GPCPD1: variants seen among roughly 807,000 people sequenced by gnomAD.
The protein encoded by GPCPD1 is glycerophosphocholine phosphodiesterase 1.
A neutral mutation model predicts 89.2 loss-of-function variants in GPCPD1; 29 were observed. That is an observed-to-expected ratio of 0.33 (90% confidence interval 0.24 to 0.44). The LOEUF is 0.44. Ranked by LOEUF, GPCPD1 falls within the 20% of genes least tolerant of loss-of-function variation. The pLI is 1.00. For missense variants in GPCPD1, 594 were observed against 808.9 expected (o/e 0.73, Z 3.22); for synonymous variants, 258 against 266.3 (o/e 0.97, Z 0.30).
At chr20:5,598,032 A>C (rs919148976) in intron 3 of GPCPD1, among the ~76,000 whole-genome samples, 4 of 152,182 alleles carry the variant, frequency 2.6e-5, no homozygotes, top group Non-Finnish European at 4.4e-5. Context: ...AGAAAAAATT[A>C]AAAAGAAGAA....
At chr20:5,556,735 T>C (rs918998679) in intron 19 of GPCPD1, among the ~76,000 whole-genome samples, 1 of 152,222 alleles carries the variant, frequency 6.6e-6, no homozygotes, top group African/African-American at 2.4e-5. Flanking sequence ...AAAAAATATT[T>C]GTTCAATAAA....
rs552329473 is a variant in GPCPD1, at chr20:5,588,556, G to A, written c.232-2287C>T. Reference sequence around the variant, plus strand: ...AAAATAGAAACAGCCTGGGCACAGTGGCTCATGCCTGTAATCCCAGCACTT... The same window carrying A: ...AAAATAGAAACAGCCTGGGCACAGTAGCTCATGCCTGTAATCCCAGCACTT... On this transcript the variant is annotated intron_variant, in intron 4 of 19. Transcript: ENST00000379019. Among the ~76,000 whole-genome samples, 42 of 151,622 alleles carry A rather than the reference G, an allele frequency of 2.8e-4. No individual in the cohort carries two copies. In the South Asian group the frequency reaches 6.4e-3, roughly 23 times the overall value.
At chr20:5,576,312 C>G (rs1204483641) in intron 8 of GPCPD1, among the ~76,000 whole-genome samples, 2 of 150,446 alleles carry the variant, frequency 1.3e-5, no homozygotes, top group Admixed American at 6.7e-5. Flanking sequence ...CCCAGCTACT[C>G]GGGAGGCTAA....
chr20:5,567,590 AAAG>A lies in GPCPD1; in HGVS notation c.1150-33_1150-31del, dbSNP rs1207932518. ...AAAAAAAAAAAAAAGAAAGAAAGAA[AAAG>A]AAAGAATAAAGAAAATTAAGAGAAA... is the stretch of plus-strand genomic sequence containing the variant. On this transcript the variant is annotated intron_variant, in intron 12 of 19. Transcript: ENST00000379019. 7.9e-6 allele frequency: 12 copies of A among 1,526,844 alleles called. No homozygotes were observed. In the African/African-American group the frequency reaches 1.6e-4, roughly 20 times the overall value. 94.6% of individuals were successfully genotyped at this position (1,526,844 alleles called of 1,614,324 possible). A position where few individuals can be genotyped will look rare whatever the true frequency, so the allele number is the denominator to read the frequency against.
chr20:5,576,608 A>C (rs1978289663), intron 8 of GPCPD1, among the ~76,000 whole-genome samples: 1 of 152,040 alleles, frequency 6.6e-6, no homozygotes, highest in African/African-American at 2.4e-5. Flanking sequence ...TTTTTGAGAG[A>C]GTCTCATTCA....
chr20:5,572,535 A>C (rs1986780631), intron 11 of GPCPD1, among the ~76,000 whole-genome samples: 1 of 152,230 alleles, frequency 6.6e-6, no homozygotes, highest in Admixed American at 6.5e-5. Context: ...AGTTCATATA[A>C]GTAATAAAGC....
In GPCPD1 at chr20:5,593,400, T is replaced by A. The variant is rs1979474216; in HGVS notation, c.158A>T (p.Lys53Ile). Reference protein sequence around the residue: ...ENDTGESMLWKATIVLSRGVS... With the variant: ...ENDTGESMLWIATIVLSRGVS... Reference sequence around the variant, plus strand: ...TCCTCTACTGAGTACAATGGTTGCTTTCCATAGCATGCTGTGAAGAAAGAA... The same window carrying A: ...TCCTCTACTGAGTACAATGGTTGCTATCCATAGCATGCTGTGAAGAAAGAA... Residue 53 changes from lysine (K) to isoleucine (I), a missense_variant, in exon 4 of 20, where the codon AAA (lysine) becomes ATA (isoleucine). By Grantham distance (102) the Lys-to-Ile change is moderately radical. Coordinates refer to ENST00000379019, the MANE Select transcript of GPCPD1 (RefSeq NM_019593.5). 2 of 1,573,416 alleles carry A rather than the reference T, an allele frequency of 1.3e-6. No homozygotes were observed. Among genetic ancestry groups the A allele is most frequent in the African/African-American group, 2.7e-5 (2 of 74,100 alleles).
In GPCPD1 at chr20:5,573,915, A is replaced by G. The variant is rs752863639; in HGVS notation, c.1056T>C (p.His352=). 9.4e-6 allele frequency: 14 copies of G among 1,483,840 alleles called. No individual in the cohort carries two copies. The highest frequency in any genetic ancestry group is 1.2e-5 in the Non-Finnish European group (13 of 1,061,184). 91.9% of individuals were successfully genotyped at this position (1,483,840 alleles called of 1,614,324 possible). The change falls in exon 11 of 20, where the codon CAT becomes CAC. Residue 352 remains histidine, a splice_region_variant and synonymous_variant. Transcript: ENST00000379019. ...CTAAAGTTGTTTAAAGGTTACTTAC[A>G]TGACTAGCAGCATTTCTTAAAGAAG... ...TIASLRNAAS[H]GAAFVEFDVH...
intron 19 of GPCPD1, among the ~76,000 whole-genome samples, chr20:5,550,283 CAAAAA>C (rs11476159): frequency 1.3e-5 from 1 of 76,052 alleles, no homozygotes; most frequent in Non-Finnish European, 2.4e-5. Context: ...TCAAATGAAG[CAAAAA>C]AAAAAAAAAA....
intron 19 of GPCPD1, chr20:5,549,219 C>G: frequency 2.8e-6 from 2 of 715,746 alleles, no homozygotes; most frequent in South Asian, 2.8e-5. Flanking sequence ...TCACTTTTGG[C>G]TAGAGACTCT....
At chr20:5,575,731 T>A (rs1285681037) in intron 9 of GPCPD1, 85 bp downstream of exon 9, 1 of 971,172 alleles carries the variant, frequency 1.0e-6, no homozygotes, top group Admixed American at 2.2e-5. Flanking sequence ...ATTAATTTCA[T>A]CTTTATCATT....
Position 5,565,031 on chromosome 20 carries a change from GA to G in GPCPD1, c.1314del (p.Pro439LeufsTer7). On this transcript the variant is annotated frameshift_variant, in exon 15 of 20. Coordinates refer to ENST00000379019, the MANE Select transcript of GPCPD1 (RefSeq NM_019593.5). LOFTEE classifies it high-confidence loss of function. The part of the protein sequence containing the change: ...EENSFSENQP[F>X]PSLKMVLESL... ...CAATAACTTACCATCTTAAGAGAAG[GA>G]AATGGCTGATTTTCTGAAAAGGAAT... The G allele has an allele frequency of 6.6e-7, 1 of 1,519,328 alleles. No homozygotes were observed. The highest frequency in any genetic ancestry group is 9.1e-7 in the Non-Finnish European group (1 of 1,094,024). 94.1% of individuals were successfully genotyped at this position (1,519,328 alleles called of 1,614,324 possible). A position where few individuals can be genotyped will look rare whatever the true frequency, so the allele number is the denominator to read the frequency against.
At chr20:5,568,427 T>A (rs6038205) in intron 12 of GPCPD1, among the ~76,000 whole-genome samples, 110,145 of 151,452 alleles carry the variant, frequency 0.73, 41,365 homozygotes, top group African/African-American at 0.92. Context: ...AAATACTTTT[T>A]TTTTTTCTAA....
intron 8 of GPCPD1, among the ~76,000 whole-genome samples, chr20:5,577,552 T>G (rs1978297171): frequency 6.6e-6 from 1 of 152,078 alleles, no homozygotes; most frequent in African/African-American, 2.4e-5. Flanking sequence ...CATCAAAATT[T>G]CATACTTTTA....
intron 4 of GPCPD1, among the ~76,000 whole-genome samples, chr20:5,591,869 G>T (rs1199640171): frequency 2.0e-5 from 3 of 152,116 alleles, no homozygotes; most frequent in Non-Finnish European, 4.4e-5. Flanking sequence ...CGGTACATGT[G>T]TACACGATAC....
At chr20:5,550,081 T>C (rs1259101520) in intron 19 of GPCPD1, among the ~76,000 whole-genome samples, 2 of 151,656 alleles carry the variant, frequency 1.3e-5, no homozygotes, top group African/African-American at 4.8e-5. Context: ...TAGGCCCAGC[T>C]ACTTGGGAGA....
At chr20:5,548,982 A>G in intron 19 of GPCPD1, 1 of 901,796 alleles carries the variant, frequency 1.1e-6, no homozygotes, top group South Asian at 1.4e-5. Context: ...TTTAAAAAAG[A>G]TAAAAGCAAA....
Position 5,584,296 on chromosome 20 carries a change from G to T in GPCPD1, c.334C>A (p.Gln112Lys). ...TCTCACTTACTGTGGATTCCAAATT[G>T]TCCATCGTCAATAATAATTTCGCTT... is the stretch of plus-strand genomic sequence containing the variant. ...LESEIIIDDG[Q>K]FGIHNGVETL... The change falls in exon 6 of 20, where the codon CAA becomes AAA. Residue 112 changes from glutamine to lysine, a missense_variant. Physicochemically the swap from Gln to Lys is moderately conservative, Grantham distance 53 (BLOSUM62 1). Coordinates refer to ENST00000379019, the MANE Select transcript of GPCPD1 (RefSeq NM_019593.5). The T allele has an allele frequency of 1.4e-6, 2 of 1,426,460 alleles. No individual in the cohort carries two copies. Among genetic ancestry groups the T allele is most frequent in the Non-Finnish European group, 2.0e-6 (2 of 1,014,822 alleles). The allele number at this position is 1,426,460 out of a possible 1,614,324, so 88.4% of individuals were successfully genotyped here.
chr20:5,558,139 G>T, intron 18 of GPCPD1, 34 bp from the exon 19 acceptor site: 4 of 1,372,598 alleles, frequency 2.9e-6, no homozygotes, highest in Non-Finnish European at 4.1e-6. Context: ...GCATGAAAAA[G>T]AAACATTAAC....
Sources: allele counts gnomAD v4.1 joint callset (sites outside exome capture counted in the v4.1 genomes callset), GRCh38; gene constraint gnomAD v4.1.1; transcripts MANE v1.5; gene names NCBI Gene and HGNC (gene_info 2026-07-23, HGNC 2026-07-21).